The following CYP19A1 variants were observed in gnomAD, a reference collection of about 807,000 sequenced individuals.
The protein encoded by CYP19A1 is aromatase.
In CYP19A1, 32 loss-of-function variants were observed where a neutral mutation model predicts 44.4. The ratio of observed to expected loss-of-function variants is 0.72; its 90% CI spans 0.54 to 0.97. The LOEUF is 0.97. CYP19A1 is among the 50% of genes least tolerant of loss of function. CYP19A1 has a pLI of 0.00. For synonymous variants in CYP19A1, 212 were observed against 215.6 expected (o/e 0.98, Z 0.14); for missense variants, 598 against 637.8 (o/e 0.94, Z 0.67).
chr15:51,306,064 C>T (rs1463429830), intron 1 of CYP19A1, among the ~76,000 whole-genome samples: 1 of 152,184 alleles, frequency 6.6e-6, no homozygotes, highest in Non-Finnish European at 1.5e-5. Flanking sequence ...AGAAAACCTG[C>T]TCTCCTCCTT....
At chr15:51,289,986 G>A (rs2035806211) in intron 1 of CYP19A1, among the ~76,000 whole-genome samples, 1 of 152,320 alleles carries the variant, frequency 6.6e-6, no homozygotes, top group South Asian at 2.1e-4. Context: ...ACTACTGAGT[G>A]AGTGGAAGTG....
chr15:51,276,962 G>C (rs931886804), intron 1 of CYP19A1, among the ~76,000 whole-genome samples: 1 of 151,626 alleles, frequency 6.6e-6, no homozygotes, highest in Admixed American at 6.6e-5. Flanking sequence ...GGTTCCAAGA[G>C]AATGTCAGCA....
chr15:51,302,514 G>A (rs977167654), intron 1 of CYP19A1, among the ~76,000 whole-genome samples: 3 of 152,204 alleles, frequency 2.0e-5, no homozygotes, highest in African/African-American at 4.8e-5. Context: ...GGCAATGGTA[G>A]GCAAGATGTT....
At chr15:51,303,456 A>G (rs372909260) in intron 1 of CYP19A1, among the ~76,000 whole-genome samples, 10 of 151,960 alleles carry the variant, frequency 6.6e-5, no homozygotes, top group African/African-American at 2.2e-4. Context: ...TCATCACTAT[A>G]AAGTCAAGAA....
At chr15:51,280,829 T>A (rs2035493615) in intron 1 of CYP19A1, among the ~76,000 whole-genome samples, 1 of 152,224 alleles carries the variant, frequency 6.6e-6, no homozygotes, top group African/African-American at 2.4e-5. Flanking sequence ...AGGTCACTTG[T>A]CCACAGGTAC....
chr15:51,312,676 A>G (rs2036336672), intron 1 of CYP19A1: 1 of 152,262 alleles, frequency 6.6e-6, no homozygotes, highest in Admixed American at 6.5e-5. Context: ...TCATTTCTCC[A>G]GATAGAAACA....
At chr15:51,267,079 G>A (rs1422565407) in intron 1 of CYP19A1, among the ~76,000 whole-genome samples, 1 of 152,214 alleles carries the variant, frequency 6.6e-6, no homozygotes, top group Non-Finnish European at 1.5e-5. Context: ...CTGCTCTGGA[G>A]AGCAAAGCTG....
At chr15:51,259,209 G>A (rs2034626220) in intron 1 of CYP19A1, among the ~76,000 whole-genome samples, 1 of 152,134 alleles carries the variant, frequency 6.6e-6, no homozygotes, top group African/African-American at 2.4e-5. Context: ...TTATCACCAA[G>A]GACATCTGTC....
intron 1 of CYP19A1, among the ~76,000 whole-genome samples, chr15:51,336,732 A>G (rs2036781653): frequency 6.6e-6 from 1 of 152,204 alleles, no homozygotes; most frequent in Non-Finnish European, 1.5e-5. Context: ...GGACCATTCT[A>G]TTTAACTTTT....
chr15:51,218,760 C>T (rs549986483), intron 5 of CYP19A1, 105 bp from the exon 6 acceptor site: 6 of 1,528,212 alleles, frequency 3.9e-6, no homozygotes, highest in African/African-American at 1.4e-5. Flanking sequence ...ATTCTCCTAA[C>T]AGTCTGGGGG....
intron 1 of CYP19A1, among the ~76,000 whole-genome samples, chr15:51,251,892 C>T (rs1313635674): frequency 6.6e-6 from 1 of 152,162 alleles, no homozygotes; most frequent in Non-Finnish European, 1.5e-5. Flanking sequence ...GGCCACCTAG[C>T]CTCTCTGGAC....
At chr15:51,284,454 G>A (rs980536149) in intron 1 of CYP19A1, among the ~76,000 whole-genome samples, 2 of 152,176 alleles carry the variant, frequency 1.3e-5, no homozygotes, top group Non-Finnish European at 2.9e-5. Flanking sequence ...GGATGGCCAG[G>A]AAGGGACAAT....
intron 1 of CYP19A1, among the ~76,000 whole-genome samples, chr15:51,276,468 C>T (rs1166922732): frequency 6.6e-6 from 1 of 152,176 alleles, no homozygotes. Context: ...TGTTAACTAC[C>T]CTTCATATTT....
intron 1 of CYP19A1, among the ~76,000 whole-genome samples, chr15:51,244,435 A>C (rs370789102): frequency 6.6e-6 from 1 of 151,932 alleles, no homozygotes; most frequent in South Asian, 2.1e-4. Context: ...CTGAAAGCAC[A>C]TTGTGCTTAT....
At chr15:51,243,883 CAG>C (rs1325173696) in intron 1 of CYP19A1, among the ~76,000 whole-genome samples, 1 of 152,192 alleles carries the variant, frequency 6.6e-6, no homozygotes, top group Non-Finnish European at 1.5e-5. Context: ...ACTCTCAGAA[CAG>C]AGTTTCAGGG....
At chr15:51,269,212 G>A (rs2035036536) in intron 1 of CYP19A1, among the ~76,000 whole-genome samples, 1 of 152,028 alleles carries the variant, frequency 6.6e-6, no homozygotes, top group South Asian at 2.1e-4. Flanking sequence ...TGAGGTAAGG[G>A]TTAATAGGGT....
intron 1 of CYP19A1, among the ~76,000 whole-genome samples, chr15:51,331,596 G>T (rs2036702408): frequency 6.6e-6 from 1 of 151,974 alleles, no homozygotes; most frequent in African/African-American, 2.4e-5. Flanking sequence ...TTATTTATGT[G>T]GTAGGACTGG....
rs1180513958 is a variant in CYP19A1 at position 51,210,670 on chromosome 15, A to G, written c.*138T>C. ...ACAAATAGCACCTAGCTTGGTGACA[A>G]CCCATAGGAGGTATGCCTATAAAAT... On this transcript the variant is annotated 3_prime_UTR_variant, in exon 10 of 10. Coordinates refer to ENST00000396402, the MANE Select transcript of CYP19A1 (RefSeq NM_000103.4). The G allele has an allele frequency of 1.3e-6, 1 of 771,240 alleles. No homozygotes were observed. Among genetic ancestry groups the G allele is most frequent in the Non-Finnish European group, 2.4e-6 (1 of 419,852 alleles). 47.8% of individuals were successfully genotyped at this position (771,240 alleles called of 1,614,324 possible).
intron 1 of CYP19A1, among the ~76,000 whole-genome samples, chr15:51,300,500 G>A (rs1194900359): frequency 6.6e-6 from 1 of 152,182 alleles, no homozygotes; most frequent in Admixed American, 6.5e-5. Flanking sequence ...GGAGAATTGA[G>A]TGAAACTGAC....
Sources: allele counts gnomAD v4.1 joint callset (sites outside exome capture counted in the v4.1 genomes callset), GRCh38; gene constraint gnomAD v4.1.1; transcripts MANE v1.5; gene names NCBI Gene and HGNC (gene_info 2026-07-23, HGNC 2026-07-21).